Variants in HECW1 observed in about 807,000 individuals in gnomAD.
HECW1 encodes the protein HECT, C2 and WW domain containing E3 ubiquitin protein ligase 1.
In HECW1, 61 loss-of-function variants were observed where a neutral mutation model predicts 182.3. The observed-to-expected ratio is 0.33, with a 90% CI of 0.27 to 0.41. The LOEUF (loss-of-function observed/expected upper bound fraction) is 0.41, where lower values mean the gene tolerates loss of function less well. HECW1 is among the 10% of genes least tolerant of loss of function. The pLI is 1.00. For synonymous variants in HECW1, 859 were observed against 832.6 expected (o/e 1.03, Z -0.55); for missense variants, 1,739 against 2,108.9 (o/e 0.82, Z 3.44).
At chr7:43,231,468 C>T (rs888435543) in intron 2 of HECW1, among the ~76,000 whole-genome samples, 2 of 152,340 alleles carry the variant, frequency 1.3e-5, no homozygotes, top group Middle Eastern at 3.4e-3. Context: ...AGTTAGGGAA[C>T]TTAGTGCCTT....
At chr7:43,266,314 G>A (rs984503104) in intron 3 of HECW1, among the ~76,000 whole-genome samples, 4 of 152,032 alleles carry the variant, frequency 2.6e-5, no homozygotes, top group Admixed American at 6.6e-5. Context: ...TCTCACTCAG[G>A]AAGTGTTTTT....
At chr7:43,115,720 C>G (rs1378693889) in intron 2 of HECW1, among the ~76,000 whole-genome samples, 1 of 152,182 alleles carries the variant, frequency 6.6e-6, no homozygotes, top group Non-Finnish European at 1.5e-5. Context: ...ACACAATTTT[C>G]CGTAGTTGTG....
chr7:43,450,359 A>T (rs963735486), intron 11 of HECW1, among the ~76,000 whole-genome samples: 1 of 152,140 alleles, frequency 6.6e-6, no homozygotes, highest in African/African-American at 2.4e-5. Flanking sequence ...AATCTGAAAA[A>T]CAGCCTTTCG....
intron 2 of HECW1, among the ~76,000 whole-genome samples, chr7:43,170,744 A>G (rs1390716381): frequency 6.6e-6 from 1 of 152,144 alleles, no homozygotes; most frequent in African/African-American, 2.4e-5. Flanking sequence ...AGGACTTATT[A>G]AGTGGATGCC....
At chr7:43,241,266 T>C (rs1189300450) in intron 2 of HECW1, 1 of 152,234 alleles carries the variant, frequency 6.6e-6, no homozygotes, top group Non-Finnish European at 1.5e-5. Context: ...GACAGGTCAC[T>C]TGGTCCCCAT....
intron 2 of HECW1, among the ~76,000 whole-genome samples, chr7:43,127,136 C>T (rs1024124699): frequency 6.6e-6 from 1 of 152,168 alleles, no homozygotes; most frequent in African/African-American, 2.4e-5. Flanking sequence ...AGCTAAGCCT[C>T]TTGCACCAAA....
intron 2 of HECW1, among the ~76,000 whole-genome samples, chr7:43,173,452 A>G (rs1195393693): frequency 6.6e-6 from 1 of 152,192 alleles, no homozygotes; most frequent in African/African-American, 2.4e-5. Flanking sequence ...CTAGGGCAGC[A>G]GTCCCCAATA....
intron 2 of HECW1, among the ~76,000 whole-genome samples, chr7:43,159,761 A>G (rs1790321806): frequency 9.8e-6 from 1 of 101,810 alleles, no homozygotes; most frequent in South Asian, 3.0e-4. Context: ...GCTCACTGCA[A>G]GCTCTGCTCC....
intron 2 of HECW1, among the ~76,000 whole-genome samples, chr7:43,120,852 C>T (rs1280954523): frequency 1.3e-5 from 2 of 152,012 alleles, no homozygotes; most frequent in African/African-American, 2.4e-5. Context: ...CCATGTTGGC[C>T]AGGCTGGTCT....
At chr7:43,237,144 G>GGAA (rs1798441642) in intron 2 of HECW1, among the ~76,000 whole-genome samples, 8 of 49,660 alleles carry the variant, frequency 1.6e-4, no homozygotes, top group Non-Finnish European at 3.0e-4. Flanking sequence ...GAAGGAAGTA[G>GGAA]GTAGGTAGGT....
intron 3 of HECW1, among the ~76,000 whole-genome samples, chr7:43,272,857 GAC>G (rs1164244063): frequency 6.6e-6 from 1 of 152,082 alleles, no homozygotes; most frequent in Non-Finnish European, 1.5e-5. Flanking sequence ...ACACCAAAAA[GAC>G]ACAGGCAAAT....
At chr7:43,302,619 G>A (rs1012948056) in intron 3 of HECW1, among the ~76,000 whole-genome samples, 2 of 152,174 alleles carry the variant, frequency 1.3e-5, no homozygotes, top group Non-Finnish European at 2.9e-5. Context: ...GGGCCGCCCC[G>A]GGAGGATGAT....
intron 3 of HECW1, among the ~76,000 whole-genome samples, chr7:43,286,338 T>TG (rs1170671395): frequency 2.6e-5 from 4 of 152,156 alleles, no homozygotes; most frequent in African/African-American, 9.7e-5. Flanking sequence ...AAGCCTATGA[T>TG]GGGGGTGCCC....
At chr7:43,412,886 C>T (rs1265226615) in intron 8 of HECW1, among the ~76,000 whole-genome samples, 1 of 148,712 alleles carries the variant, frequency 6.7e-6, no homozygotes, top group Admixed American at 6.7e-5. Context: ...CAAGTCTTTG[C>T]TATTGTGAAT....
At chr7:43,496,047 G>A (rs930140683) in intron 19 of HECW1, among the ~76,000 whole-genome samples, 3 of 151,776 alleles carry the variant, frequency 2.0e-5, no homozygotes, top group African/African-American at 7.3e-5. Context: ...GCAGTAGACT[G>A]TTTTCATCCC....
At chr7:43,145,318 C>T (rs974631936) in intron 2 of HECW1, among the ~76,000 whole-genome samples, 2 of 152,252 alleles carry the variant, frequency 1.3e-5, no homozygotes, top group African/African-American at 4.8e-5. Context: ...ATATTTGAGA[C>T]AGGGTCTCGC....
chr7:43,437,657 G>A (rs1489482088), intron 8 of HECW1, among the ~76,000 whole-genome samples: 4 of 152,094 alleles, frequency 2.6e-5, no homozygotes, highest in Non-Finnish European at 4.4e-5. Context: ...TTTATTTAAA[G>A]TACATTTTCT....
chr7:43,501,139 C>A lies in HECW1; in HGVS notation c.3522-74C>A. ...AAGTGTAAGTGCTGCTACCCCAATT[C>A]GTGAACACTTTCTCAGGGATGTAAA... On this transcript the variant is annotated intron_variant, in intron 20 of 29. Coordinates refer to ENST00000395891, the MANE Select transcript of HECW1 (RefSeq NM_015052.5). 6.2e-6 allele frequency: 5 copies of A among 806,666 alleles called. No homozygotes were observed. The South Asian group carries it at 8.2e-5, about 13-fold the overall frequency. 50.0% of individuals were successfully genotyped at this position (806,666 alleles called of 1,614,324 possible).
At chr7:43,446,796 C>T (rs35212650) in intron 11 of HECW1, among the ~76,000 whole-genome samples, 85,935 of 152,014 alleles carry the variant, frequency 0.57, 24,482 homozygotes, top group Non-Finnish European at 0.6. Flanking sequence ...GTAAAACAGA[C>T]AGCATGGAAA....
Sources: allele counts gnomAD v4.1 joint callset (sites outside exome capture counted in the v4.1 genomes callset), GRCh38; gene constraint gnomAD v4.1.1; transcripts MANE v1.5; gene names NCBI Gene and HGNC (gene_info 2026-07-23, HGNC 2026-07-21).